The following MAP4K1 variants were observed in gnomAD, a reference collection of about 807,000 sequenced individuals.
MAP4K1 encodes MAPK/ERK kinase kinase kinase 1.
Under a neutral mutation model 122.8 loss-of-function variants are expected in MAP4K1, and 35 were observed. The ratio of observed to expected loss-of-function variants is 0.29; its 90% confidence interval spans 0.22 to 0.38. The LOEUF is 0.38. Ranked by LOEUF, MAP4K1 falls within the 10% of genes least tolerant of loss-of-function variation. The pLI is 1.00. For missense variants in MAP4K1, 791 were observed against 1,072.6 expected, an observed-to-expected ratio of 0.74 and a Z score of 3.67; for synonymous variants, 412 against 421.3, an observed-to-expected ratio of 0.98 and a Z score of 0.27.
In MAP4K1 at chr19:38,597,157, G is replaced by A; in HGVS notation, c.1838-20C>T. ...CCTCCGCTGTGGCATGGGCAAGGAT[G>A]AGTCAAGATCAATGCCCTCTATCCT... On this transcript the variant is annotated intron_variant, in intron 24 of 30. Coordinates refer to ENST00000396857, the MANE Select transcript of MAP4K1 (RefSeq NM_001042600.3). This position sits in a 1 kb window ranked among gnomAD's most constrained non-coding sequence, Gnocchi z 4.6. The A allele has an allele frequency of 5.0e-6, 8 of 1,611,954 alleles. No homozygotes were observed. The highest frequency in any genetic ancestry group is 6.8e-6 in the Non-Finnish European group (8 of 1,178,036).
chr19:38,617,743 C>T lies in MAP4K1; in HGVS notation c.99+54G>A. ...CTTGCAGCCTCCTCCCTGCCGAGGG[C>T]TTGCCTTAAAGGTCACTGGTTGTAG... On this transcript the variant is annotated intron_variant, in intron 1 of 30. Transcript: ENST00000396857. This position sits in a 1 kb window ranked among gnomAD's most constrained non-coding sequence, Gnocchi z 4.1. The T allele has an allele frequency of 1.9e-6, 3 of 1,607,890 alleles. No homozygotes were observed. Among genetic ancestry groups the T allele is most frequent in the Non-Finnish European group, 2.6e-6 (3 of 1,174,386 alleles).
At chr19:38,602,411 G>GACACAC (rs145992581) in intron 19 of MAP4K1, among the ~76,000 whole-genome samples, 19 of 148,096 alleles carry the variant, frequency 1.3e-4, no homozygotes, top group African/African-American at 4.5e-4. Context: ...TATATATATA[G>GACACAC]ACACACACAC....
chr19:38,595,568 C>T lies in MAP4K1; in HGVS notation c.2270-13G>A. ...CCTCCAACCATAGCTGGGGAGAAAG[C>T]AATGCCCGTTACCCTTGGGGATCAC... On this transcript the variant is annotated splice_polypyrimidine_tract_variant and intron_variant, in intron 28 of 30. Transcript: ENST00000396857. 6.2e-7 allele frequency: 1 copy of T among 1,614,124 alleles called. No individual in the cohort carries two copies.
intron 9 of MAP4K1, among the ~76,000 whole-genome samples, chr19:38,612,062 C>T (rs1375471557): frequency 6.6e-6 from 1 of 152,106 alleles, no homozygotes; most frequent in African/African-American, 2.4e-5. Context: ...CTTGCCACTG[C>T]ACTCCAGCCT....
In MAP4K1 at chr19:38,612,804, A is replaced by AGTG; in HGVS notation, c.534-63_534-62insCAC. On this transcript the variant is annotated intron_variant, in intron 8 of 30. Coordinates refer to ENST00000396857, the MANE Select transcript of MAP4K1 (RefSeq NM_001042600.3). ...TGGGGACAGGAAGGGAAGGAGGGGCAGAGAAGGAGAAGGAGTTGAGGGGAG... is the reference window on the plus strand; with the variant it reads ...TGGGGACAGGAAGGGAAGGAGGGGCAGTGGAGAAGGAGAAGGAGTTGAGGGGAG... The AGTG allele has an allele frequency of 2.5e-6, 4 of 1,582,872 alleles. No individual in the cohort carries two copies. The Admixed American group carries it at 5.1e-5, about 20-fold the overall frequency.
rs1461258628 is a variant in MAP4K1 at position 38,617,884 on chromosome 19, C to T, written c.12G>A (p.Val4=). 6.2e-7 allele frequency: 1 copy of T among 1,614,106 alleles called. No homozygotes were observed. Among genetic ancestry groups the T allele is most frequent in the Non-Finnish European group, 8.5e-7 (1 of 1,179,994 alleles). Residue 4 remains valine (V), a synonymous_variant, in exon 1 of 31, where the codon GTG becomes GTA. Transcript: ENST00000396857. This position sits in a 1 kb window ranked among gnomAD's most constrained non-coding sequence, Gnocchi z 4.1. ...GGTCTCTATTGAAAATGTCAGGGTC[C>T]ACGACGTCCATCCCTGGGGGCCTGA... MDV[V]DPDIFNRDPR...
At position 38,600,731 on chromosome 19, in the gene MAP4K1, T is replaced by C. The variant is rs1190866436; in HGVS notation, c.1532-578A>G. Among the ~76,000 whole-genome samples the C allele has an allele frequency of 2.0e-5, 3 of 152,054 alleles. No individual in the cohort carries two copies. In the East Asian group the frequency reaches 5.8e-4, roughly 29 times the overall value. On this transcript the variant is annotated intron_variant, in intron 20 of 30. Transcript: ENST00000396857. ...GCTCCAAACTCTAACCTTTTTGTTA[T>C]ATTCTGACACTCCTGGCCCCTGAAT...
chr19:38,617,338 G>A lies in MAP4K1; in HGVS notation c.248+16C>T. On this transcript the variant is annotated intron_variant, in intron 3 of 30. Coordinates refer to ENST00000396857, the MANE Select transcript of MAP4K1 (RefSeq NM_001042600.3). This position sits in a 1 kb window ranked among gnomAD's most constrained non-coding sequence, Gnocchi z 4.1. ...GGGGCTGGGCTGGGTGCCAGGGTGG[G>A]TCTGAGGTTCATCACCAGAGATAAC... The A allele has an allele frequency of 6.2e-7, 1 of 1,601,380 alleles. No individual in the cohort carries two copies. Among genetic ancestry groups the A allele is most frequent in the Non-Finnish European group, 8.6e-7 (1 of 1,169,284 alleles).
chr19:38,599,878 G>A, intron 22 of MAP4K1, 47 bp downstream of exon 22: 1 of 1,581,734 alleles, frequency 6.3e-7, no homozygotes, highest in South Asian at 1.1e-5. Context: ...CGAACCCTTG[G>A]ACCCCTTAAC....
intron 25 of MAP4K1, among the ~76,000 whole-genome samples, chr19:38,596,804 T>G (rs1974901624): frequency 2.6e-5 from 4 of 152,100 alleles, no homozygotes; most frequent in Admixed American, 2.0e-4. Context: ...GTGGCAGCAT[T>G]GAGCCTGAGG....
rs775134715 is a variant in MAP4K1, at chr19:38,597,275, C to G, written c.1837+51G>C. 7 of 1,611,048 alleles carry G rather than the reference C, an allele frequency of 4.3e-6. No homozygotes were observed. Among genetic ancestry groups the G allele is most frequent in the Non-Finnish European group, 5.9e-6 (7 of 1,177,810 alleles). ...CAGGTGGATGCAGTTCAAGCCCCTCCTCTGGCCTGGCCCCGCCCACTCTCT... is the reference window on the plus strand; with the variant it reads ...CAGGTGGATGCAGTTCAAGCCCCTCGTCTGGCCTGGCCCCGCCCACTCTCT... On this transcript the variant is annotated intron_variant, in intron 24 of 30. Transcript: ENST00000396857. The surrounding 1 kb of genome is among the most constrained non-coding windows in gnomAD (Gnocchi z 4.6).
At chr19:38,603,408 ATATATACACG>A (rs1360859815) in intron 19 of MAP4K1, among the ~76,000 whole-genome samples, 2 of 149,344 alleles carry the variant, frequency 1.3e-5, no homozygotes, top group East Asian at 2.2e-4. Flanking sequence ...GCATATACAT[ATATATACACG>A]TATACATATA....
At position 38,605,444 on chromosome 19, in the gene MAP4K1, G is replaced by T; in HGVS notation, c.1411C>A (p.Leu471Ile). 4.4e-6 allele frequency: 7 copies of T among 1,601,714 alleles called. No individual in the cohort carries two copies. Among genetic ancestry groups the T allele is most frequent in the Non-Finnish European group, 5.1e-6 (6 of 1,175,368 alleles). Residue 471 changes from leucine (L) to isoleucine (I), a missense_variant, in exon 19 of 31, where the codon CTT (leucine) becomes ATT (isoleucine). By Grantham distance (5) the Leu-to-Ile change is conservative. Around this residue, in one of 4 missense-constraint regions of MAP4K1, gnomAD observed 303 missense variants for 344.8 expected, o/e 0.88. Coordinates refer to ENST00000396857, the MANE Select transcript of MAP4K1 (RefSeq NM_001042600.3). Reference protein sequence around the residue: ...PPSRELDKPPLLPPKKEKMKR... With the variant: ...PPSRELDKPPILPPKKEKMKR... ...ATCTTTTCCTTCTTGGGGGGCAGAA[G>T]TGGGGGCTTGTCAAGCTCCCGGGAG...
chr19:38,607,221 C>A (rs1206721580), intron 16 of MAP4K1, among the ~76,000 whole-genome samples: 1 of 151,606 alleles, frequency 6.6e-6, no homozygotes, highest in African/African-American at 2.4e-5. Flanking sequence ...GGGTGGAGAG[C>A]AGGTGGGGGG....
intron 19 of MAP4K1, among the ~76,000 whole-genome samples, chr19:38,603,942 C>T (rs1018413056): frequency 2.7e-5 from 4 of 150,736 alleles, no homozygotes; most frequent in African/African-American, 2.4e-5. Flanking sequence ...CAAGATAGCA[C>T]CACTGCACTC....
At chr19:38,607,780 G>C (rs961716274) in intron 16 of MAP4K1, 84 bp downstream of exon 16, 1 of 1,450,640 alleles carries the variant, frequency 6.9e-7, no homozygotes, top group African/African-American at 1.4e-5. Context: ...GGGGTCAGGA[G>C]TGGAGGAAAG....
chr19:38,590,387 AAAAAAAAATATATATATATATAT>A (rs1445408381), intron 30 of MAP4K1, among the ~76,000 whole-genome samples: 1,734 of 70,766 alleles, frequency 0.025, 97 homozygotes, highest in South Asian at 0.084. Flanking sequence ...AAAAAAAAAA[AAAAAAAAATATATATATATATAT>A]ATATATATAT....
At chr19:38,607,226 G>C (rs116383670) in intron 16 of MAP4K1, among the ~76,000 whole-genome samples, 1 of 151,880 alleles carries the variant, frequency 6.6e-6, no homozygotes, top group Admixed American at 6.6e-5. Flanking sequence ...GAGAGCAGGT[G>C]GGGGGCTGAC....
intron 21 of MAP4K1, 36 bp from the exon 22 acceptor site, chr19:38,600,021 C>G: frequency 6.2e-7 from 1 of 1,614,040 alleles, no homozygotes; most frequent in Non-Finnish European, 8.5e-7. Context: ...TGGTGACACC[C>G]CAGCAACCCC....
Sources: allele counts gnomAD v4.1 joint callset (sites outside exome capture counted in the v4.1 genomes callset), GRCh38; gene constraint gnomAD v4.1.1; regional missense constraint gnomAD v4.1.1; non-coding constraint Gnocchi (gnomAD v3.1); transcripts MANE v1.5; gene names NCBI Gene and HGNC (gene_info 2026-07-23, HGNC 2026-07-21).